MACROD2: variants seen among roughly 807,000 people sequenced by gnomAD.
The protein encoded by MACROD2 is ADP-ribose glycohydrolase MACROD2.
In MACROD2, 36 loss-of-function variants were observed where a neutral mutation model predicts 70.4. The observed-to-expected ratio is 0.51, with a 90% CI of 0.39 to 0.68. The LOEUF is 0.68. MACROD2 is among the 30% of genes least tolerant of loss of function. The pLI, the probability that MACROD2 is intolerant of heterozygous loss-of-function variation, is 0.00. For missense variants in MACROD2, 496 were observed against 538.4 expected, an observed-to-expected ratio of 0.92 and a Z score of 0.78; for synonymous variants, 172 against 178.8, an observed-to-expected ratio of 0.96 and a Z score of 0.30.
chr20:14,700,625 T>C (rs1764190509), intron 5 of MACROD2, among the ~76,000 whole-genome samples: 1 of 152,016 alleles, frequency 6.6e-6, no homozygotes, highest in East Asian at 1.9e-4. Context: ...TCGTGATGAG[T>C]GCATTTATTT....
intron 4 of MACROD2, among the ~76,000 whole-genome samples, chr20:14,506,266 A>G (rs150048755): frequency 6.6e-6 from 1 of 152,126 alleles, no homozygotes; most frequent in Non-Finnish European, 1.5e-5. Flanking sequence ...CTTTTTATGT[A>G]CTCTTGTCCA....
intron 8 of MACROD2, among the ~76,000 whole-genome samples, chr20:15,752,252 A>C (rs1428431239): frequency 1.3e-5 from 2 of 152,050 alleles, no homozygotes; most frequent in African/African-American, 4.8e-5. Context: ...AAAATATACC[A>C]GTTTCCTTTT....
intron 3 of MACROD2, among the ~76,000 whole-genome samples, chr20:14,213,711 C>G (rs973285893): frequency 7.0e-4 from 107 of 152,044 alleles, no homozygotes; most frequent in African/African-American, 2.4e-3. Context: ...AACAATATAG[C>G]TTTAAAAAGT....
At chr20:14,851,749 A>G (rs995178938) in intron 5 of MACROD2, among the ~76,000 whole-genome samples, 21 of 152,196 alleles carry the variant, frequency 1.4e-4, no homozygotes, top group African/African-American at 4.8e-4. Context: ...CTCTTCATAC[A>G]AAGTCTTGTT....
chr20:15,464,082 C>G (rs1474931987), intron 7 of MACROD2, among the ~76,000 whole-genome samples: 1 of 152,130 alleles, frequency 6.6e-6, no homozygotes, highest in Non-Finnish European at 1.5e-5. Context: ...AAGGTCTCAC[C>G]CTGTCACCCG....
At chr20:16,041,995 T>A (rs2067313980) in intron 16 of MACROD2, among the ~76,000 whole-genome samples, 1 of 152,046 alleles carries the variant, frequency 6.6e-6, no homozygotes, top group Non-Finnish European at 1.5e-5. Context: ...CAGAATTGGT[T>A]AGGTGGTCAG....
At chr20:14,130,276 G>A (rs1405394586) in intron 3 of MACROD2, among the ~76,000 whole-genome samples, 3 of 152,262 alleles carry the variant, frequency 2.0e-5, no homozygotes, top group Non-Finnish European at 4.4e-5. Context: ...GGCTGGGCAC[G>A]GTGGCTCACA....
At chr20:15,216,352 A>G (rs145394472) in intron 5 of MACROD2, among the ~76,000 whole-genome samples, 1 of 152,204 alleles carries the variant, frequency 6.6e-6, no homozygotes, top group African/African-American at 2.4e-5. Context: ...ATTAAAAATT[A>G]AAAAATTTAA....
intron 5 of MACROD2, among the ~76,000 whole-genome samples, chr20:15,133,844 T>A (rs2076124510): frequency 6.6e-6 from 1 of 152,158 alleles, no homozygotes; most frequent in African/African-American, 2.4e-5. Context: ...TAAAATTAAC[T>A]GTTTTTACTG....
intron 3 of MACROD2, among the ~76,000 whole-genome samples, chr20:14,180,757 CTTTG>C (rs1318657460): frequency 1.3e-5 from 2 of 151,982 alleles, no homozygotes; most frequent in Non-Finnish European, 1.5e-5. Context: ...AAAAGTGCCA[CTTTG>C]TTTAATTCTT....
chr20:14,326,019 A>G lies in MACROD2; in HGVS notation c.272-167460A>G. 1 of 1,613,922 alleles carries G rather than the reference A, an allele frequency of 6.2e-7. No individual in the cohort carries two copies. Among genetic ancestry groups the G allele is most frequent in the Non-Finnish European group, 8.5e-7 (1 of 1,179,876 alleles). ...GAAGGGGTGCAGTTTCAGTCTCAAT[A>G]CAAACAGGAGTTTCATCAAATAGGT... On this transcript the variant is annotated intron_variant, in intron 3 of 17. Coordinates refer to ENST00000684519, the MANE Select transcript of MACROD2 (RefSeq NM_001351661.2). The surrounding 1 kb of genome is among the most constrained non-coding windows in gnomAD (Gnocchi z 5.5).
At chr20:14,381,654 C>G (rs191334177) in intron 3 of MACROD2, among the ~76,000 whole-genome samples, 1 of 152,130 alleles carries the variant, frequency 6.6e-6, no homozygotes, top group Non-Finnish European at 1.5e-5. Flanking sequence ...TAGCAGTGAG[C>G]GGTGTTTCCT....
chr20:15,242,109 T>G (rs1363486433), intron 6 of MACROD2, among the ~76,000 whole-genome samples: 3 of 152,172 alleles, frequency 2.0e-5, no homozygotes, highest in Non-Finnish European at 4.4e-5. Context: ...TATGAACCTC[T>G]TGGTATAATG....
intron 3 of MACROD2, among the ~76,000 whole-genome samples, chr20:14,423,727 C>G (rs1010876372): frequency 2.2e-5 from 3 of 133,546 alleles, no homozygotes; most frequent in Non-Finnish European, 4.9e-5. Flanking sequence ...AAGTTGCTTT[C>G]TAGTCCACCA....
intron 4 of MACROD2, among the ~76,000 whole-genome samples, chr20:14,537,551 A>T (rs908108124): frequency 1.3e-5 from 2 of 152,136 alleles, no homozygotes; most frequent in African/African-American, 4.8e-5. Flanking sequence ...AAGTGCTTTA[A>T]GTTGGGGAGC....
At chr20:14,522,797 T>C (rs1226593568) in intron 4 of MACROD2, among the ~76,000 whole-genome samples, 1 of 152,178 alleles carries the variant, frequency 6.6e-6, no homozygotes. Flanking sequence ...AGTCTCAACA[T>C]GAAGCATTAG....
At chr20:14,712,132 G>A (rs1023952510) in intron 5 of MACROD2, among the ~76,000 whole-genome samples, 1 of 151,880 alleles carries the variant, frequency 6.6e-6, no homozygotes, top group Admixed American at 6.6e-5. Flanking sequence ...TTTTAATATG[G>A]CCTCAGGTTA....
intron 5 of MACROD2, among the ~76,000 whole-genome samples, chr20:14,743,219 T>G (rs1422689905): frequency 6.6e-6 from 1 of 152,084 alleles, no homozygotes; most frequent in Non-Finnish European, 1.5e-5. Context: ...ATTGTGGTAG[T>G]AAGAATGCTG....
At chr20:14,078,750 T>C (rs1008958044) in intron 2 of MACROD2, among the ~76,000 whole-genome samples, 2 of 152,208 alleles carry the variant, frequency 1.3e-5, no homozygotes, top group Non-Finnish European at 2.9e-5. Context: ...AGATTTCCCA[T>C]AGGTCCCCTG....
Sources: allele counts gnomAD v4.1 joint callset (sites outside exome capture counted in the v4.1 genomes callset), GRCh38; gene constraint gnomAD v4.1.1; non-coding constraint Gnocchi (gnomAD v3.1); transcripts MANE v1.5; gene names NCBI Gene and HGNC (gene_info 2026-07-23, HGNC 2026-07-21).